RAB7B: variants seen among roughly 807,000 people sequenced by gnomAD.
RAB7B encodes the protein ras-related protein Rab-7b.
intron 4 of RAB7B, among the ~76,000 whole-genome samples, chr1:205,986,027 C>T (rs1660599301): frequency 6.6e-6 from 1 of 152,264 alleles, no homozygotes; most frequent in Admixed American, 6.5e-5. Context: ...GCCCACTGCA[C>T]TTTGTTGCCT....
intron 1 of RAB7B, among the ~76,000 whole-genome samples, chr1:205,994,982 G>A (rs1660786332): frequency 6.6e-6 from 1 of 152,022 alleles, no homozygotes; most frequent in East Asian, 1.9e-4. Context: ...ACAGAAGATG[G>A]TACATTCTCA....
chr1:205,991,445 T>A (rs969184361), intron 4 of RAB7B, among the ~76,000 whole-genome samples: 19 of 152,330 alleles, frequency 1.2e-4, no homozygotes, highest in African/African-American at 4.6e-4. Context: ...GACTTCTCCT[T>A]TGAAATTTCA....
At chr1:206,002,596 A>G (rs1660908416) in intron 1 of RAB7B, among the ~76,000 whole-genome samples, 2 of 152,346 alleles carry the variant, frequency 1.3e-5, no homozygotes, top group African/African-American at 4.8e-5. Flanking sequence ...CTGTAAGCCC[A>G]AAGAAATTAT....
intron 4 of RAB7B, among the ~76,000 whole-genome samples, chr1:205,987,903 A>G (rs1394362769): frequency 1.3e-5 from 2 of 152,166 alleles, no homozygotes; most frequent in South Asian, 2.1e-4. Context: ...TTTTAAAAAA[A>G]TTTTTGTTTT....
chr1:205,987,952 C>T (rs1298283623), intron 4 of RAB7B, among the ~76,000 whole-genome samples: 1 of 151,712 alleles, frequency 6.6e-6, no homozygotes, highest in Non-Finnish European at 1.5e-5. Context: ...ACTATGCTGC[C>T]CAGGTTGGTC....
chr1:205,989,079 A>C (rs1660671126), intron 4 of RAB7B, among the ~76,000 whole-genome samples: 2 of 148,314 alleles, frequency 1.3e-5, no homozygotes, highest in African/African-American at 2.5e-5. Flanking sequence ...CTCCCTACAA[A>C]CCCCTTCCCT....
intron 4 of RAB7B, among the ~76,000 whole-genome samples, chr1:205,988,012 TG>T (rs1289438561): frequency 1.3e-5 from 2 of 152,310 alleles, no homozygotes; most frequent in East Asian, 3.9e-4. Flanking sequence ...CCCATAGTGC[TG>T]GGATTACAGA....
At position 205,994,087 on chromosome 1, in the gene RAB7B, T is replaced by C; in HGVS notation, c.49A>G (p.Ile17Val). 6 of 398,668 alleles carry C rather than the reference T, an allele frequency of 1.5e-5. No individual in the cohort carries two copies. The highest frequency in any genetic ancestry group is 6.2e-5 in the African/African-American group (3 of 48,764). 24.7% of individuals were successfully genotyped at this position (398,668 alleles called of 1,614,324 possible). A position where few individuals can be genotyped will look rare whatever the true frequency, so the allele number is the denominator to read the frequency against. Residue 17 changes from isoleucine to valine, a missense_variant, in exon 2 of 6, where the codon ATT becomes GTT. Coordinates refer to ENST00000617070, the MANE Select transcript of RAB7B (RefSeq NM_001164522.3). Reference sequence around the variant, plus strand: ...CCAGAGCTGAGCTTGGCTTACCCAATGGCTCCGACGATAATGAGTTTCAGG... The same window carrying C: ...CCAGAGCTGAGCTTGGCTTACCCAACGGCTCCGACGATAATGAGTTTCAGG... ...VDLKLIIVGA[I>V]GVGKTSLLHQ...
chr1:205,979,314 C>T (rs1047476429), intron 5 of RAB7B, among the ~76,000 whole-genome samples: 16 of 152,196 alleles, frequency 1.1e-4, no homozygotes, highest in Non-Finnish European at 1.9e-4. Flanking sequence ...CCCCCAACCT[C>T]CTTTTCATCC....
rs1038367030 is a variant in RAB7B, at chr1:205,977,973, A to G, written c.*878T>C. 9 of 152,238 alleles carry G rather than the reference A, an allele frequency of 5.9e-5. No homozygotes were observed. Among genetic ancestry groups the G allele is most frequent in the Admixed American group, 2.0e-4 (3 of 15,284 alleles). 9.4% of individuals were successfully genotyped at this position (152,238 alleles called of 1,614,324 possible). A position where few individuals can be genotyped will look rare whatever the true frequency, so the allele number is the denominator to read the frequency against. On this transcript the variant is annotated 3_prime_UTR_variant, in exon 6 of 6. Transcript: ENST00000617070. ...CTAGAGTCTGCGTCTCTCCCTCACC[A>G]GATGTCGGCTCCAGGAGGGCAGAGT...
chr1:205,987,834 G>A (rs2102636247), intron 4 of RAB7B, among the ~76,000 whole-genome samples: 1 of 151,836 alleles, frequency 6.6e-6, no homozygotes, highest in Admixed American at 6.6e-5. Context: ...GGCTATATAT[G>A]CCTGTTTTTA....
At chr1:205,990,622 A>T (rs1231756014) in intron 4 of RAB7B, among the ~76,000 whole-genome samples, 1 of 151,464 alleles carries the variant, frequency 6.6e-6, no homozygotes, top group East Asian at 1.9e-4. Flanking sequence ...TGGGGTGGGG[A>T]TGCTGAAAGC....
chr1:205,984,210 G>C (rs1228511568), intron 5 of RAB7B: 1 of 152,306 alleles, frequency 6.6e-6, no homozygotes, highest in African/African-American at 2.4e-5. Flanking sequence ...GAGGGCTGGA[G>C]GAGAAGCAGA....
intron 1 of RAB7B, among the ~76,000 whole-genome samples, chr1:206,000,301 T>C (rs1660870786): frequency 1.3e-5 from 2 of 152,250 alleles, no homozygotes; most frequent in Non-Finnish European, 2.9e-5. Context: ...AAGCCTAAGT[T>C]GTTTTGTAAT....
Position 205,985,256 on chromosome 1 carries a change from G to GT in RAB7B, c.522+283dup, listed in dbSNP as rs1263571548. Among the ~76,000 whole-genome samples, 18 of 152,278 alleles carry GT rather than the reference G, an allele frequency of 1.2e-4. No homozygotes were observed. In the East Asian group the frequency reaches 2.9e-3, roughly 25 times the overall value. On this transcript the variant is annotated intron_variant, in intron 5 of 5. Coordinates refer to ENST00000617070, the MANE Select transcript of RAB7B (RefSeq NM_001164522.3). Reference sequence around the variant, plus strand: ...CCTCGTTAGGATCTCCAGGGCTCAGGTACAGGACTGGAGTTTTTAGATACT... The same window carrying GT: ...CCTCGTTAGGATCTCCAGGGCTCAGGTTACAGGACTGGAGTTTTTAGATACT...
intron 4 of RAB7B, among the ~76,000 whole-genome samples, 178 bp from the exon 5 acceptor site, chr1:205,985,843 A>AGGCCCACCATCCCCACCATCC: frequency 6.7e-6 from 1 of 149,530 alleles, no homozygotes; most frequent in Admixed American, 6.7e-5. Context: ...CAGGCCCACC[A>AGGCCCACCATCCCCACCATCC]CCACTCCCAT....
chr1:205,985,350 C>A lies in RAB7B; in HGVS notation c.522+190G>T, dbSNP rs907639923. On this transcript the variant is annotated intron_variant, in intron 5 of 5. Transcript: ENST00000617070. ...CTGCATGCTCTAAGGTAGCTTTCTACCTCTGGCATTCTGTGGTTCCAGAGC... is the reference window on the plus strand; with the variant it reads ...CTGCATGCTCTAAGGTAGCTTTCTAACTCTGGCATTCTGTGGTTCCAGAGC... Among the ~76,000 whole-genome samples the A allele has an allele frequency of 6.0e-4, 91 of 152,304 alleles. 2 individuals are homozygous for A. The highest frequency in any genetic ancestry group is 2.0e-3 in the African/African-American group (85 of 41,558).
rs902617964 is a variant in RAB7B at position 205,985,520 on chromosome 1, C to T, written c.522+20G>A. 1.0e-5 allele frequency: 4 copies of T among 398,760 alleles called. No individual in the cohort carries two copies. Among genetic ancestry groups the T allele is most frequent in the African/African-American group, 2.1e-5 (1 of 48,604 alleles). 24.7% of individuals were successfully genotyped at this position (398,760 alleles called of 1,614,324 possible). ...AATCCAGGGGCGGTCTCAGCAGGTC[C>T]TGCCGCCACAGCCACTCACCCTCGA... On this transcript the variant is annotated intron_variant, in intron 5 of 5. Coordinates refer to ENST00000617070, the MANE Select transcript of RAB7B (RefSeq NM_001164522.3).
intron 4 of RAB7B, among the ~76,000 whole-genome samples, chr1:205,987,017 G>T (rs1030382929): frequency 0.032 from 4,797 of 152,162 alleles, 258 homozygotes; most frequent in African/African-American, 0.11. Context: ...GCCCGGTTAT[G>T]ACAGACTTTT....
Sources: gnomAD v4.1 joint callset for allele counts (sites outside exome capture counted in the v4.1 genomes callset) on GRCh38, gnomAD v4.1.1 for gene constraint, MANE v1.5 for transcripts, NCBI Gene and HGNC (gene_info 2026-07-23, HGNC 2026-07-21) for gene names.